Variants in PDCD11 observed in about 807,000 individuals in gnomAD.
The protein encoded by PDCD11 is protein RRP5 homolog.
A neutral mutation model predicts 198.9 loss-of-function variants in PDCD11; 97 were observed. That is an observed-to-expected ratio of 0.49 (90% CI 0.41 to 0.58). The LOEUF (loss-of-function observed/expected upper bound fraction) is 0.58. PDCD11 is among the 20% of genes least tolerant of loss of function. The pLI is 0.00. For synonymous variants in PDCD11, 893 were observed against 918.0 expected, an observed-to-expected ratio of 0.97 and a Z score of 0.49; for missense variants, 2,102 against 2,312.7, an observed-to-expected ratio of 0.91 and a Z score of 1.87.
intron 3 of PDCD11, among the ~76,000 whole-genome samples, chr10:103,400,832 C>T (rs902409500): frequency 1.3e-5 from 2 of 152,144 alleles, no homozygotes; most frequent in Admixed American, 6.5e-5. Context: ...TCACTTTAGT[C>T]TTGAACTCCT....
chr10:103,432,280 G>GA, intron 22 of PDCD11, 46 bp downstream of exon 22: 2 of 1,317,604 alleles, frequency 1.5e-6, no homozygotes, highest in South Asian at 1.2e-5. Context: ...TCTTCTTTCA[G>GA]AAAAAAGGTC....
Position 103,425,361 on chromosome 10 carries a change from G to T in PDCD11, c.3141G>T (p.Lys1047Asn). 1 of 1,614,184 alleles carries T rather than the reference G, an allele frequency of 6.2e-7. No individual in the cohort carries two copies. Among genetic ancestry groups the T allele is most frequent in the South Asian group, 1.1e-5 (1 of 91,086 alleles). ...DMVTGTVKSI[K>N]PTHVVVTLED... ...TCACAGGGACTGTCAAGTCCATTAA[G>T]CCTACCCATGTGGTTGTGACTCTGG... Residue 1047 changes from lysine (K) to asparagine (N), a missense_variant, in exon 20 of 36, where the codon AAG (lysine) becomes AAT (asparagine). By Grantham distance (94) the Lys-to-Asn change is moderately conservative. Coordinates refer to ENST00000369797, the MANE Select transcript of PDCD11 (RefSeq NM_014976.2).
In PDCD11 at chr10:103,442,437, G is replaced by A; in HGVS notation, c.4932G>A (p.Arg1644=). 6.2e-7 allele frequency: 1 copy of A among 1,613,974 alleles called. No homozygotes were observed. Among genetic ancestry groups the A allele is most frequent in the Non-Finnish European group, 8.5e-7 (1 of 1,180,024 alleles). The part of the protein sequence containing the change: ...EIEKARAVAE[R]ALKTISFREE... Reference sequence around the variant, plus strand: ...AGAAGGCCCGTGCCGTGGCTGAGAGGGCCCTTAAGACCATCTCCTTCAGGT... The same window carrying A: ...AGAAGGCCCGTGCCGTGGCTGAGAGAGCCCTTAAGACCATCTCCTTCAGGT... The change falls in exon 32 of 36, where the codon AGG becomes AGA. Residue 1644 remains arginine (R), a synonymous_variant. Coordinates refer to ENST00000369797, the MANE Select transcript of PDCD11 (RefSeq NM_014976.2).
At position 103,438,816 on chromosome 10, in the gene PDCD11, A is replaced by AG; in HGVS notation, c.4025+14dup. ...ACACGGTGTGTTCTTTCGGTGAGTG[A>AG]GGGGGGCTCTGCACCCGGACCCAAG... On this transcript the variant is annotated intron_variant, in intron 27 of 35. Transcript: ENST00000369797. The AG allele has an allele frequency of 6.2e-7, 1 of 1,613,546 alleles. No individual in the cohort carries two copies. Among genetic ancestry groups the AG allele is most frequent in the Non-Finnish European group, 8.5e-7 (1 of 1,179,932 alleles).
At position 103,444,563 on chromosome 10, in the gene PDCD11, G is replaced by A. The variant is rs776705648; in HGVS notation, c.5325G>A (p.Gly1775=). 1 of 1,614,060 alleles carries A rather than the reference G, an allele frequency of 6.2e-7. No homozygotes were observed. The highest frequency in any genetic ancestry group is 1.3e-5 in the African/African-American group (1 of 74,938). The part of the protein sequence containing the change: ...AKFAQLEFQL[G]DAERAKAIFE... ...TTGCCCAGCTTGAGTTTCAGCTGGG[G>A]GATGCAGAGCGGGCCAAAGCCATTT... The change falls in exon 35 of 36, where the codon GGG becomes GGA. Residue 1775 remains glycine, a synonymous_variant. Transcript: ENST00000369797.
At chr10:103,409,578 T>A in intron 7 of PDCD11, 121 bp from the exon 8 acceptor site, 2 of 669,316 alleles carry the variant, frequency 3.0e-6, no homozygotes, top group South Asian at 3.5e-5. Context: ...AAGAGTTACC[T>A]GGGAGAGGAG....
In PDCD11 at chr10:103,416,711, C is replaced by T. The variant is rs1269712642; in HGVS notation, c.1739C>T (p.Pro580Leu). 11 of 1,614,058 alleles carry T rather than the reference C, an allele frequency of 6.8e-6. No individual in the cohort carries two copies. Among genetic ancestry groups the T allele is most frequent in the Non-Finnish European group, 9.3e-6 (11 of 1,180,034 alleles). The change falls in exon 13 of 36, where the codon CCT becomes CTT. Residue 580 changes from proline (P) to leucine (L), a missense_variant. Physicochemically the swap from Pro to Leu is moderately conservative, Grantham distance 98 (BLOSUM62 -3). Transcript: ENST00000369797. ...CATGAGCTCAGTACTGAGTATATCCCTGACCCGGAGAGAGTTTTTTACACT... is the reference window on the plus strand; with the variant it reads ...CATGAGCTCAGTACTGAGTATATCCTTGACCCGGAGAGAGTTTTTTACACT... ...PKHELSTEYI[P>L]DPERVFYTGQ...
chr10:103,437,527 G>T (rs1055696381), intron 25 of PDCD11, among the ~76,000 whole-genome samples: 1 of 151,872 alleles, frequency 6.6e-6, no homozygotes, highest in African/African-American at 2.4e-5. Context: ...TTGCTCTGTC[G>T]CCCAGGCTGG....
chr10:103,425,978 A>G (rs1386225581), intron 20 of PDCD11, among the ~76,000 whole-genome samples: 2 of 152,148 alleles, frequency 1.3e-5, no homozygotes. Context: ...TTTTAAAAAT[A>G]TGGAATATAT....
intron 3 of PDCD11, 67 bp from the exon 4 acceptor site, chr10:103,403,051 A>G: frequency 6.9e-7 from 1 of 1,454,220 alleles, no homozygotes; most frequent in East Asian, 2.3e-5. Context: ...ACTAGAAGCC[A>G]GACCTTCCAA....
At chr10:103,442,546 C>A (rs1371411035) in intron 32 of PDCD11, 86 bp downstream of exon 32, 1 of 1,488,238 alleles carries the variant, frequency 6.7e-7, no homozygotes, top group Non-Finnish European at 9.1e-7. Context: ...TCCTCCTAGG[C>A]AGGCCGGCAG....
intron 3 of PDCD11, among the ~76,000 whole-genome samples, chr10:103,402,177 C>T (rs980347351): frequency 2.0e-5 from 3 of 152,176 alleles, no homozygotes; most frequent in Non-Finnish European, 2.9e-5. Flanking sequence ...GTCCTTTAGA[C>T]CTGGCATGGT....
chr10:103,420,518 G>A (rs1217802790), intron 16 of PDCD11, among the ~76,000 whole-genome samples: 1 of 152,166 alleles, frequency 6.6e-6, no homozygotes, highest in African/African-American at 2.4e-5. Flanking sequence ...TGCCTGGCAC[G>A]TCAGCCGAGG....
intron 21 of PDCD11, among the ~76,000 whole-genome samples, chr10:103,429,714 ACTAAAT>A (rs1333241186): frequency 1.3e-5 from 2 of 152,200 alleles, no homozygotes; most frequent in Non-Finnish European, 2.9e-5. Flanking sequence ...TGCATTGTTA[ACTAAAT>A]GCATGTTATA....
chr10:103,432,458 G>T (rs2031977095), intron 22 of PDCD11, among the ~76,000 whole-genome samples: 1 of 152,228 alleles, frequency 6.6e-6, no homozygotes, highest in Admixed American at 6.5e-5. Flanking sequence ...GTAATTCATT[G>T]TTGGTAGGTT....
chr10:103,404,945 CT>C, intron 4 of PDCD11, 76 bp from the exon 5 acceptor site: 1 of 1,405,288 alleles, frequency 7.1e-7, no homozygotes. Flanking sequence ...TGAGAAGTCA[CT>C]GAGCCAAAGC....
At position 103,418,626 on chromosome 10, in the gene PDCD11, G is replaced by A. The variant is rs774075056; in HGVS notation, c.2098G>A (p.Gly700Arg). 6.2e-7 allele frequency: 1 copy of A among 1,613,576 alleles called. No individual in the cohort carries two copies. The highest frequency in any genetic ancestry group is 8.5e-7 in the Non-Finnish European group (1 of 1,179,706). Reference sequence around the variant, plus strand: ...AGTCCTGTGTCTGAGCCAGAGCGAGGGGCGTGTTGTATCCTTGACTGGTAT... The same window carrying A: ...AGTCCTGTGTCTGAGCCAGAGCGAGAGGCGTGTTGTATCCTTGACTGGTAT... ...HRVLCLSQSE[G>R]RVLLCRKPAL... Residue 700 changes from glycine to arginine, a missense_variant, in exon 15 of 36, where the codon GGG (glycine) becomes AGG (arginine). Coordinates refer to ENST00000369797, the MANE Select transcript of PDCD11 (RefSeq NM_014976.2).
At chr10:103,441,334 T>C (rs7895427) in intron 30 of PDCD11, among the ~76,000 whole-genome samples, 2,415 of 152,294 alleles carry the variant, frequency 0.016, 69 homozygotes, top group African/African-American at 0.056. Flanking sequence ...CTTGGCTCAC[T>C]GCAACCTCTG....
intron 33 of PDCD11, 132 bp from the exon 34 acceptor site, chr10:103,443,783 C>G: frequency 3.4e-6 from 3 of 884,724 alleles, no homozygotes; most frequent in Non-Finnish European, 5.4e-6. Flanking sequence ...TCTCAGGTCT[C>G]TAGCATTAGG....
Sources: allele counts gnomAD v4.1 joint callset (sites outside exome capture counted in the v4.1 genomes callset), GRCh38; gene constraint gnomAD v4.1.1; transcripts MANE v1.5; gene names NCBI Gene and HGNC (gene_info 2026-07-23, HGNC 2026-07-21).